The following PRR5L variants were observed in gnomAD, a reference collection of about 807,000 sequenced individuals.
The protein encoded by PRR5L is proline-rich protein 5-like.
Under a neutral mutation model 36.4 loss-of-function variants are expected in PRR5L, and 21 were observed. That is an observed-to-expected ratio of 0.58 (90% CI 0.41 to 0.83). PRR5L has a LOEUF of 0.83. Among genes scored for constraint, PRR5L ranks in the 40% least tolerant of loss-of-function variants. The pLI is 0.00. For missense variants in PRR5L, 381 were observed against 473.3 expected (o/e 0.80, Z 1.81); for synonymous variants, 188 against 197.0 (o/e 0.95, Z 0.38).
At chr11:36,392,535 T>C (rs918817071) in intron 1 of PRR5L, among the ~76,000 whole-genome samples, 2 of 152,208 alleles carry the variant, frequency 1.3e-5, no homozygotes, top group East Asian at 1.9e-4. Flanking sequence ...TAATATCTCA[T>C]TGTAGTTTTG....
intron 1 of PRR5L, among the ~76,000 whole-genome samples, chr11:36,356,003 C>T (rs576405418): frequency 6.6e-6 from 1 of 152,124 alleles, no homozygotes; most frequent in South Asian, 2.1e-4. Flanking sequence ...CCTTGACCTC[C>T]CAGGCTCAAA....
At chr11:36,419,198 C>A in intron 3 of PRR5L, 57 bp from the exon 4 acceptor site, 1 of 1,542,386 alleles carries the variant, frequency 6.5e-7, no homozygotes, top group South Asian at 1.1e-5. Context: ...ACATTGTCAC[C>A]ATGAGCTGTA....
At chr11:36,376,736 G>A in intron 1 of PRR5L, 1 of 984,796 alleles carries the variant, frequency 1.0e-6, no homozygotes, top group Non-Finnish European at 1.2e-6. Context: ...TCTCTGGGAG[G>A]GGCCGGAGTC....
At chr11:36,312,175 A>G (rs539032697) in intron 1 of PRR5L, among the ~76,000 whole-genome samples, 1 of 152,302 alleles carries the variant, frequency 6.6e-6, no homozygotes, top group South Asian at 2.1e-4. Context: ...GCACGTAAAT[A>G]TATTCCCTGT....
intron 1 of PRR5L, among the ~76,000 whole-genome samples, chr11:36,392,439 A>G (rs1857581651): frequency 6.6e-6 from 1 of 152,194 alleles, no homozygotes; most frequent in South Asian, 2.1e-4. Context: ...CACCAACAGT[A>G]TATGAAGGTT....
intron 1 of PRR5L, among the ~76,000 whole-genome samples, chr11:36,355,390 C>T (rs1418766360): frequency 1.3e-5 from 2 of 152,108 alleles, no homozygotes; most frequent in Non-Finnish European, 2.9e-5. Flanking sequence ...GCATATTGCA[C>T]TTTCACCAAG....
At chr11:36,358,109 A>G (rs559785352) in intron 1 of PRR5L, among the ~76,000 whole-genome samples, 6 of 152,352 alleles carry the variant, frequency 3.9e-5, no homozygotes, top group African/African-American at 1.4e-4. Context: ...CCTCCTCCTG[A>G]TGAAGATGCT....
intron 1 of PRR5L, among the ~76,000 whole-genome samples, chr11:36,341,155 C>T (rs1050683712): frequency 9.9e-5 from 15 of 151,988 alleles, no homozygotes; most frequent in African/African-American, 3.6e-4. Flanking sequence ...GTCGCCCATC[C>T]TTCCTGAGCC....
intron 6 of PRR5L, among the ~76,000 whole-genome samples, chr11:36,442,191 T>G (rs1012414371): frequency 6.6e-6 from 1 of 152,228 alleles, no homozygotes; most frequent in Non-Finnish European, 1.5e-5. Flanking sequence ...TTTTCCTTCT[T>G]CACTGCATGG....
rs1439257010 is a variant in PRR5L, at chr11:36,299,201, TC to T, written c.-126+2766del. ...CTTATGGAAAATGCTCGTTTCATTA[TC>T]CCAGGAAATCCAAAGCTACCACGTT... On this transcript the variant is annotated intron_variant, in intron 1 of 8. Coordinates refer to ENST00000530639, the MANE Select transcript of PRR5L (RefSeq NM_001160167.2). Among the ~76,000 whole-genome samples, 7 of 152,288 alleles carry T rather than the reference TC, an allele frequency of 4.6e-5. No homozygotes were observed. In the East Asian group the frequency reaches 1.4e-3, roughly 29 times the overall value.
chr11:36,356,164 G>A (rs146359325), intron 1 of PRR5L, among the ~76,000 whole-genome samples: 289 of 151,946 alleles, frequency 1.9e-3, no homozygotes, highest in African/African-American at 6.9e-3. Context: ...TGCCTGCCTC[G>A]GCCTCCTAAA....
intron 1 of PRR5L, among the ~76,000 whole-genome samples, chr11:36,349,213 G>C (rs1364590287): frequency 6.6e-6 from 1 of 151,470 alleles, no homozygotes; most frequent in Non-Finnish European, 1.5e-5. Flanking sequence ...GAACCCGCGA[G>C]GCGGAGGTTG....
At chr11:36,384,218 G>GT (rs1175838330) in intron 1 of PRR5L, among the ~76,000 whole-genome samples, 7 of 152,166 alleles carry the variant, frequency 4.6e-5, no homozygotes, top group African/African-American at 1.7e-4. Flanking sequence ...ATTCTTTAGT[G>GT]TTATGGGCAA....
At chr11:36,376,163 G>A (rs1430648412) in intron 1 of PRR5L, 1 of 1,304,860 alleles carries the variant, frequency 7.7e-7, no homozygotes, top group Non-Finnish European at 1.0e-6. Context: ...CTGGATGTAA[G>A]TGCAGGGCCC....
At chr11:36,453,513 G>A (rs535809080) in intron 8 of PRR5L, among the ~76,000 whole-genome samples, 2 of 152,280 alleles carry the variant, frequency 1.3e-5, no homozygotes, top group Non-Finnish European at 2.9e-5. Flanking sequence ...GAGAGTTGTC[G>A]CACTAGGGGC....
At chr11:36,452,298 C>A (rs1268342869) in intron 8 of PRR5L, among the ~76,000 whole-genome samples, 2 of 152,180 alleles carry the variant, frequency 1.3e-5, no homozygotes, top group East Asian at 3.9e-4. Context: ...CTGATGCCCC[C>A]TCTTCTCACT....
chr11:36,378,800 C>T (rs1857320501), intron 1 of PRR5L, among the ~76,000 whole-genome samples: 1 of 152,158 alleles, frequency 6.6e-6, no homozygotes, highest in African/African-American at 2.4e-5. Context: ...CTCATGCAAA[C>T]AATGATATAG....
chr11:36,385,640 G>C (rs542933137), intron 1 of PRR5L, among the ~76,000 whole-genome samples: 2 of 152,328 alleles, frequency 1.3e-5, no homozygotes, highest in Non-Finnish European at 2.9e-5. Flanking sequence ...GTTGTCTCTT[G>C]CTTCCTGTTG....
At chr11:36,315,008 A>G (rs1391990911) in intron 1 of PRR5L, among the ~76,000 whole-genome samples, 1 of 152,226 alleles carries the variant, frequency 6.6e-6, no homozygotes, top group Non-Finnish European at 1.5e-5. Context: ...GTATAACTAT[A>G]TAGCAGAATC....
Sources: gnomAD v4.1 joint callset for allele counts (sites outside exome capture counted in the v4.1 genomes callset) on GRCh38, gnomAD v4.1.1 for gene constraint, MANE v1.5 for transcripts, NCBI Gene and HGNC (gene_info 2026-07-23, HGNC 2026-07-21) for gene names.